MSI2: variants seen among roughly 807,000 people sequenced by gnomAD.
The protein encoded by MSI2 is RNA-binding protein Musashi homolog 2.
Under a neutral mutation model 45.6 loss-of-function variants are expected in MSI2, and 17 were observed. The observed-to-expected ratio is 0.37, with a 90% CI of 0.26 to 0.56. MSI2 has a LOEUF of 0.56. MSI2 is among the 20% of genes least tolerant of loss of function. The probability of loss-of-function intolerance (pLI) is 0.77; values close to 1 mark genes in which losing one functional copy is unlikely to be tolerated. For missense variants in MSI2, 293 were observed against 444.2 expected (o/e 0.66, Z 3.06); for synonymous variants, 156 against 158.2 (o/e 0.99, Z 0.11).
chr17:57,353,146 C>T lies in MSI2; in HGVS notation c.313-48233C>T, dbSNP rs866496443. 3.9e-5 allele frequency among the ~76,000 whole-genome samples: 6 copies of T among 152,314 alleles called. No homozygotes were observed. In the South Asian group the frequency reaches 1.2e-3, roughly 32 times the overall value. On this transcript the variant is annotated intron_variant, in intron 5 of 13. Transcript: ENST00000284073. The stretch of plus-strand genomic sequence containing the variant: ...CCCAGATAGCTCCCGAAAATGCGCT[C>T]TCCTCCAGAGAAGGACACTTTTCAT...
chr17:57,353,846 C>A, intron 5 of MSI2, among the ~76,000 whole-genome samples: 1 of 152,120 alleles, frequency 6.6e-6, no homozygotes, highest in East Asian at 1.9e-4. Flanking sequence ...AGCAGTAAGT[C>A]TGTCATGGGG....
At chr17:57,334,429 G>A (rs1190244899) in intron 5 of MSI2, among the ~76,000 whole-genome samples, 1 of 152,132 alleles carries the variant, frequency 6.6e-6, no homozygotes, top group Admixed American at 6.6e-5. Flanking sequence ...CTTGGCATTA[G>A]GGGTTGGCTG....
chr17:57,323,279 A>G (rs767405553), intron 5 of MSI2, among the ~76,000 whole-genome samples: 7 of 152,164 alleles, frequency 4.6e-5, no homozygotes, highest in Non-Finnish European at 8.8e-5. Flanking sequence ...ATCCTGCAGG[A>G]AAGTGGAGAA....
chr17:57,679,594 G>T lies in MSI2; in HGVS notation c.*77G>T. On this transcript the variant is annotated 3_prime_UTR_variant, in exon 14 of 14. Coordinates refer to ENST00000284073, the MANE Select transcript of MSI2 (RefSeq NM_138962.4). Reference sequence around the variant, plus strand: ...CAAGACTGGGCGAAGTTTCTGAGTGGCCCTTTGTTTAGGTGATGTCCTCAG... The same window carrying T: ...CAAGACTGGGCGAAGTTTCTGAGTGTCCCTTTGTTTAGGTGATGTCCTCAG... The T allele has an allele frequency of 9.4e-7, 1 of 1,062,160 alleles. No homozygotes were observed. The highest frequency in any genetic ancestry group is 4.6e-5 in the South Asian group (1 of 21,934). 65.8% of individuals were successfully genotyped at this position (1,062,160 alleles called of 1,614,324 possible). A position where few individuals can be genotyped will look rare whatever the true frequency, so the allele number is the denominator to read the frequency against.
intron 6 of MSI2, among the ~76,000 whole-genome samples, chr17:57,515,172 T>C (rs1416986583): frequency 6.6e-6 from 1 of 152,176 alleles, no homozygotes; most frequent in Admixed American, 6.5e-5. Context: ...TGGAAACCAC[T>C]GGGTTTGATG....
chr17:57,362,421 A>G (rs1415553507), intron 5 of MSI2, among the ~76,000 whole-genome samples: 1 of 152,178 alleles, frequency 6.6e-6, no homozygotes, highest in East Asian at 1.9e-4. Context: ...GAAAAGGGAG[A>G]GATGGCGAAG....
intron 7 of MSI2, among the ~76,000 whole-genome samples, chr17:57,581,383 A>G (rs1393205333): frequency 6.6e-6 from 1 of 152,140 alleles, no homozygotes; most frequent in Non-Finnish European, 1.5e-5. Flanking sequence ...CTTGCCCCAC[A>G]TCACACAGCT....
At chr17:57,394,518 A>G (rs1194200589) in intron 5 of MSI2, among the ~76,000 whole-genome samples, 1 of 152,206 alleles carries the variant, frequency 6.6e-6, no homozygotes, top group Non-Finnish European at 1.5e-5. Context: ...CATAGGGGAA[A>G]AGTATATCTC....
chr17:57,399,397 G>A (rs1022801341), intron 5 of MSI2, among the ~76,000 whole-genome samples: 9 of 152,224 alleles, frequency 5.9e-5, no homozygotes, highest in Admixed American at 1.3e-4. Flanking sequence ...TTAAAACACT[G>A]TGGAACGTCC....
At chr17:57,318,195 G>A (rs1415930483) in intron 5 of MSI2, among the ~76,000 whole-genome samples, 2 of 124,430 alleles carry the variant, frequency 1.6e-5, no homozygotes, top group Non-Finnish European at 4.0e-5. Context: ...GTGAGAAGGT[G>A]GGAAGGTGGG....
chr17:57,343,221 TAGA>T (rs1208896556), intron 5 of MSI2, among the ~76,000 whole-genome samples: 3 of 152,128 alleles, frequency 2.0e-5, no homozygotes, highest in African/African-American at 7.2e-5. Flanking sequence ...GAGCTAAGCT[TAGA>T]AGGAGGACAG....
At chr17:57,495,924 G>T (rs1036930770) in intron 6 of MSI2, among the ~76,000 whole-genome samples, 1 of 152,190 alleles carries the variant, frequency 6.6e-6, no homozygotes, top group African/African-American at 2.4e-5. Context: ...ATTGAAGCTT[G>T]GATTAACATG....
chr17:57,302,599 C>T (rs1455377116), intron 5 of MSI2, among the ~76,000 whole-genome samples: 1 of 152,204 alleles, frequency 6.6e-6, no homozygotes, highest in East Asian at 1.9e-4. Context: ...AGGACATGTT[C>T]TCCCCAGTGC....
intron 5 of MSI2, among the ~76,000 whole-genome samples, chr17:57,286,229 A>G (rs1284513601): frequency 6.6e-6 from 1 of 151,308 alleles, no homozygotes; most frequent in African/African-American, 2.4e-5. Flanking sequence ...AACAACAAAT[A>G]GTCTTTTTTT....
chr17:57,688,400 G>A (rs1364040941), downstream of MSI2, among the ~76,000 whole-genome samples: 2 of 151,996 alleles, frequency 1.3e-5, no homozygotes, highest in Non-Finnish European at 2.9e-5. Context: ...AATGGAAATA[G>A]GAAAAAATAT....
chr17:57,378,219 G>T (rs1018180087), intron 5 of MSI2, among the ~76,000 whole-genome samples: 1 of 152,022 alleles, frequency 6.6e-6, no homozygotes, highest in Admixed American at 6.6e-5. Context: ...TGAGTATCTG[G>T]GATTACAGGC....
intron 7 of MSI2, among the ~76,000 whole-genome samples, chr17:57,560,300 G>C (rs1157607048): frequency 6.6e-6 from 1 of 152,098 alleles, no homozygotes; most frequent in African/African-American, 2.4e-5. Context: ...GAGGGGGAGA[G>C]TTTGGAGGCG....
intron 10 of MSI2, among the ~76,000 whole-genome samples, chr17:57,646,018 G>A (rs1334115322): frequency 6.6e-6 from 1 of 152,138 alleles, no homozygotes; most frequent in Admixed American, 6.5e-5. Flanking sequence ...AGGCAGTGCT[G>A]CCTTTCAGCT....
chr17:57,274,495 T>C (rs964245136), intron 5 of MSI2: 16 of 152,090 alleles, frequency 1.1e-4, no homozygotes, highest in African/African-American at 3.6e-4. Context: ...CATAAGGAAG[T>C]GTATGGGTGT....
Sources: allele counts gnomAD v4.1 joint callset (sites outside exome capture counted in the v4.1 genomes callset), GRCh38; gene constraint gnomAD v4.1.1; transcripts MANE v1.5; gene names NCBI Gene and HGNC (gene_info 2026-07-23, HGNC 2026-07-21).